Variants in SLC9A9 observed in about 807,000 individuals in gnomAD.
SLC9A9 encodes the protein solute carrier family 9 member A9.
Under a neutral mutation model 77.8 loss-of-function variants are expected in SLC9A9, and 62 were observed. That is an observed-to-expected ratio of 0.80 (90% CI 0.65 to 0.98). The LOEUF (loss-of-function observed/expected upper bound fraction) is 0.98, where lower values mean the gene tolerates loss of function less well. SLC9A9 is among the 50% of genes least tolerant of loss of function. The pLI is 0.00. For missense variants in SLC9A9, 775 were observed against 774.9 expected, an observed-to-expected ratio of 1.00 and a Z score of 0.00; for synonymous variants, 320 against 283.5, an observed-to-expected ratio of 1.13 and a Z score of -1.29.
intron 3 of SLC9A9, 129 bp downstream of exon 3, chr3:143,796,697 T>C (rs1042999071): frequency 6.2e-6 from 4 of 644,634 alleles, no homozygotes; most frequent in Admixed American, 6.1e-5. Context: ...GGTTTGAATC[T>C]GCATCACAAA....
chr3:143,458,243 C>T (rs2035127519), intron 12 of SLC9A9, among the ~76,000 whole-genome samples: 1 of 152,026 alleles, frequency 6.6e-6, no homozygotes, highest in African/African-American at 2.4e-5. Context: ...TTAATATAGC[C>T]ACTCCAGCTT....
At chr3:143,432,780 C>T (rs1300611639) in intron 12 of SLC9A9, among the ~76,000 whole-genome samples, 12 of 152,146 alleles carry the variant, frequency 7.9e-5, no homozygotes, top group Non-Finnish European at 2.9e-5. Flanking sequence ...GGTATATACC[C>T]CCACACCCGG....
chr3:143,636,345 A>T (rs994290552), intron 6 of SLC9A9, among the ~76,000 whole-genome samples: 1 of 152,224 alleles, frequency 6.6e-6, no homozygotes. Flanking sequence ...TTGTCTGTCA[A>T]TCATCTGTCT....
intron 10 of SLC9A9, among the ~76,000 whole-genome samples, chr3:143,494,588 T>C (rs999615446): frequency 3.8e-4 from 58 of 152,380 alleles, no homozygotes; most frequent in East Asian, 1.9e-4. Flanking sequence ...TTATCTGTGA[T>C]CCAAGGTGGC....
In SLC9A9 at chr3:143,329,716, C is replaced by T. The variant is rs138648650; in HGVS notation, c.1604+33768G>A. On this transcript the variant is annotated intron_variant, in intron 14 of 15. Transcript: ENST00000316549. ...TCTCCCTAGCTGCTCAGCAGTTCCTCCTTTTGGAGGCTGCTGTTCCTCTCC... is the reference window on the plus strand; with the variant it reads ...TCTCCCTAGCTGCTCAGCAGTTCCTTCTTTTGGAGGCTGCTGTTCCTCTCC... Among the ~76,000 whole-genome samples, 1,320 of 152,262 alleles carry T rather than the reference C, an allele frequency of 8.7e-3. 24 individuals are homozygous for T. The highest frequency in any genetic ancestry group is 0.03 in the African/African-American group (1,250 of 41,552).
chr3:143,527,446 A>C lies in SLC9A9; in HGVS notation c.1089+24916T>G, dbSNP rs573642831. 1.2e-4 allele frequency among the ~76,000 whole-genome samples: 18 copies of C among 152,322 alleles called. No individual in the cohort carries two copies. The East Asian group carries it at 3.5e-3, about 29-fold the overall frequency. Reference sequence around the variant, plus strand: ...AGTAGCACAAGGTTGAAGGAACTTCATTAGGTTGAGTTTGTTTTTTCACTT... The same window carrying C: ...AGTAGCACAAGGTTGAAGGAACTTCCTTAGGTTGAGTTTGTTTTTTCACTT... On this transcript the variant is annotated intron_variant, in intron 9 of 15. Coordinates refer to ENST00000316549, the MANE Select transcript of SLC9A9 (RefSeq NM_173653.4).
intron 5 of SLC9A9, among the ~76,000 whole-genome samples, chr3:143,682,533 ATTATATTAG>A (rs1933134672): frequency 6.6e-6 from 1 of 151,854 alleles, no homozygotes; most frequent in South Asian, 2.1e-4. Context: ...AATATTTAAC[ATTATATTAG>A]TTTGTCATTT....
intron 5 of SLC9A9, among the ~76,000 whole-genome samples, chr3:143,678,783 T>C (rs1055252042): frequency 1.3e-5 from 2 of 152,252 alleles, no homozygotes; most frequent in African/African-American, 4.8e-5. Context: ...ATGTTTAAAG[T>C]GGTAAGTTTT....
At chr3:143,487,027 AG>A (rs1299809646) in intron 11 of SLC9A9, among the ~76,000 whole-genome samples, 1 of 152,024 alleles carries the variant, frequency 6.6e-6, no homozygotes, top group Non-Finnish European at 1.5e-5. Flanking sequence ...ATGCTGTCTA[AG>A]GAGACTGATT....
intron 6 of SLC9A9, among the ~76,000 whole-genome samples, chr3:143,645,407 T>C (rs1360439444): frequency 6.6e-6 from 1 of 152,198 alleles, no homozygotes; most frequent in Admixed American, 6.5e-5. Flanking sequence ...TTTATAGATA[T>C]TGTTTGCCTA....
intron 14 of SLC9A9, among the ~76,000 whole-genome samples, chr3:143,338,504 G>T (rs1011954337): frequency 6.6e-6 from 1 of 152,108 alleles, no homozygotes; most frequent in Non-Finnish European, 1.5e-5. Flanking sequence ...ATTTATTTCC[G>T]ATTAAATCAT....
At chr3:143,397,599 TC>T (rs1185022777) in intron 12 of SLC9A9, among the ~76,000 whole-genome samples, 1 of 152,156 alleles carries the variant, frequency 6.6e-6, no homozygotes, top group East Asian at 1.9e-4. Context: ...TGCATCTCCT[TC>T]CCTCACTTTT....
chr3:143,579,846 T>C (rs970494807), intron 6 of SLC9A9, among the ~76,000 whole-genome samples: 4 of 152,168 alleles, frequency 2.6e-5, no homozygotes, highest in African/African-American at 9.7e-5. Context: ...CAGAGATGAC[T>C]TAAGAGAGAG....
chr3:143,648,370 A>C (rs1166274245), intron 6 of SLC9A9, among the ~76,000 whole-genome samples: 3 of 152,160 alleles, frequency 2.0e-5, no homozygotes, highest in Non-Finnish European at 4.4e-5. Context: ...AGACGCTCAT[A>C]GGGAGTGCGC....
At chr3:143,501,709 A>G (rs1576539226) in intron 9 of SLC9A9, among the ~76,000 whole-genome samples, 1 of 151,146 alleles carries the variant, frequency 6.6e-6, no homozygotes, top group East Asian at 1.9e-4. Flanking sequence ...ATGCAACAGT[A>G]CTGATTAGCA....
At chr3:143,628,136 G>A (rs1247888591) in intron 6 of SLC9A9, among the ~76,000 whole-genome samples, 7 of 152,196 alleles carry the variant, frequency 4.6e-5, no homozygotes, top group Non-Finnish European at 1.0e-4. Context: ...GTGAGCAACT[G>A]GGGAGCAGAA....
intron 1 of SLC9A9, among the ~76,000 whole-genome samples, chr3:143,843,166 G>C (rs1273164427): frequency 6.6e-6 from 1 of 152,124 alleles, no homozygotes; most frequent in Non-Finnish European, 1.5e-5. Flanking sequence ...TTCAGCCAGC[G>C]GGAAGGGGGT....
intron 9 of SLC9A9, among the ~76,000 whole-genome samples, chr3:143,549,129 A>C (rs1221996669): frequency 6.6e-6 from 1 of 152,228 alleles, no homozygotes; most frequent in Non-Finnish European, 1.5e-5. Context: ...AACCTTTCCC[A>C]GTTTCAGAAG....
chr3:143,707,762 G>A (rs1462558994), intron 4 of SLC9A9, among the ~76,000 whole-genome samples: 1 of 152,180 alleles, frequency 6.6e-6, no homozygotes, highest in African/African-American at 2.4e-5. Context: ...TCTAGAAGTG[G>A]CCACCAGGTT....
Sources: allele counts gnomAD v4.1 joint callset (sites outside exome capture counted in the v4.1 genomes callset), GRCh38; gene constraint gnomAD v4.1.1; transcripts MANE v1.5; gene names NCBI Gene and HGNC (gene_info 2026-07-23, HGNC 2026-07-21).